Variants in MYO16 observed in about 807,000 individuals in gnomAD.
The protein encoded by MYO16 is unconventional myosin-XVI.
MYO16 carries 94 observed loss-of-function variants against 205.3 expected under a neutral mutation model. The observed-to-expected ratio is 0.46, with a 90% CI of 0.39 to 0.54. The LOEUF (loss-of-function observed/expected upper bound fraction) is 0.54, where lower values mean the gene tolerates loss of function less well. Ranked by LOEUF, MYO16 falls within the 20% of genes least tolerant of loss-of-function variation. MYO16 has a pLI of 0.00. For synonymous variants in MYO16, 988 were observed against 954.0 expected (o/e 1.04, Z -0.66); for missense variants, 2,315 against 2,387.5 (o/e 0.97, Z 0.63).
chr13:108,576,300 C>G, the MYO16 span, among the ~76,000 whole-genome samples: 1 of 152,192 alleles, frequency 6.6e-6, no homozygotes, highest in African/African-American at 2.4e-5. Flanking sequence ...CTTTTAAACA[C>G]AGGCTCTGTA....
intron 12 of MYO16, among the ~76,000 whole-genome samples, chr13:108,874,614 A>G (rs1234127966): frequency 1.3e-5 from 2 of 151,816 alleles, no homozygotes; most frequent in Admixed American, 1.3e-4. Context: ...AGTCCAGGTC[A>G]TGCAGCTCCA....
the MYO16 span, among the ~76,000 whole-genome samples, chr13:108,583,976 C>T: frequency 2.6e-5 from 4 of 152,026 alleles, no homozygotes; most frequent in Admixed American, 6.6e-5. Context: ...GTTTTTGATA[C>T]GGAGTCTCGC....
the MYO16 span, among the ~76,000 whole-genome samples, chr13:108,516,400 A>G: frequency 2.0e-3 from 300 of 152,148 alleles, no homozygotes; most frequent in African/African-American, 5.9e-3. Context: ...AGATGAACCC[A>G]GTACCTCAGA....
intron 2 of MYO16, among the ~76,000 whole-genome samples, chr13:108,675,684 T>A (rs1297912829): frequency 2.6e-5 from 4 of 152,128 alleles, no homozygotes; most frequent in African/African-American, 9.7e-5. Flanking sequence ...CTTCAACATT[T>A]TATGAGTTTG....
Position 108,709,785 on chromosome 13 carries a change from T to A in MYO16, c.293-2876T>A, listed in dbSNP as rs1485780241. Among the ~76,000 whole-genome samples the A allele has an allele frequency of 1.5e-5, 2 of 134,852 alleles. 1 individual carries two copies. The highest frequency in any genetic ancestry group is 3.2e-5 in the Non-Finnish European group (2 of 61,640). 88.5% of individuals were successfully genotyped at this position (134,852 alleles called of 152,430 possible). A position where few individuals can be genotyped will look rare whatever the true frequency, so the allele number is the denominator to read the frequency against. ...CTATCTTTATATGCGAAGAATAACC[T>A]ATTTCTCTATTTGGCCAGTAGTCGA... is the stretch of plus-strand genomic sequence containing the variant. On this transcript the variant is annotated intron_variant, in intron 2 of 34. Transcript: ENST00000457511.
At chr13:108,518,398 G>C in the MYO16 span, among the ~76,000 whole-genome samples, 1 of 152,120 alleles carries the variant, frequency 6.6e-6, no homozygotes, top group Non-Finnish European at 1.5e-5. Context: ...ACAGAAACAG[G>C]AATAGCATCT....
rs186574366 is a variant in MYO16 at position 108,761,990 on chromosome 13, C to T, written c.508-23645C>T. On this transcript the variant is annotated intron_variant, in intron 4 of 34. Coordinates refer to ENST00000457511, the MANE Select transcript of MYO16 (RefSeq NM_001198950.3). ...AAGTTGTTATTCGTTAAGTACTTTC[C>T]TATCACCTAGTCCATACCTTTACAA... Among the ~76,000 whole-genome samples the T allele has an allele frequency of 3.2e-4, 49 of 152,274 alleles. No individual in the cohort carries two copies. The East Asian group carries it at 9.3e-3, about 29-fold the overall frequency.
chr13:108,809,665 T>C (rs1358005447), intron 7 of MYO16, among the ~76,000 whole-genome samples: 2 of 152,194 alleles, frequency 1.3e-5, no homozygotes, highest in Non-Finnish European at 2.9e-5. Flanking sequence ...ATCTGCCCCA[T>C]GACCCAATCA....
chr13:108,520,607 T>A, the MYO16 span, among the ~76,000 whole-genome samples: 1 of 151,004 alleles, frequency 6.6e-6, no homozygotes, highest in Non-Finnish European at 1.5e-5. Flanking sequence ...TTAGTAAAAA[T>A]CTATTGACAA....
intron 9 of MYO16, among the ~76,000 whole-genome samples, chr13:108,831,497 G>A (rs1876619987): frequency 6.6e-6 from 1 of 152,008 alleles, no homozygotes; most frequent in East Asian, 1.9e-4. Context: ...AAGTAATCTT[G>A]CAACCAAAAA....
intron 4 of MYO16, among the ~76,000 whole-genome samples, chr13:108,742,879 C>T (rs1299083383): frequency 6.6e-6 from 1 of 152,186 alleles, no homozygotes; most frequent in East Asian, 1.9e-4. Flanking sequence ...TATTTTGGAT[C>T]ATGTGGTTTT....
At chr13:108,705,956 C>T (rs1883492305) in intron 2 of MYO16, among the ~76,000 whole-genome samples, 1 of 152,000 alleles carries the variant, frequency 6.6e-6, no homozygotes, top group South Asian at 2.1e-4. Context: ...AAAATATGAA[C>T]AGGAAGGAAT....
chr13:108,920,585 A>G (rs1881701866), intron 16 of MYO16, among the ~76,000 whole-genome samples: 1 of 152,062 alleles, frequency 6.6e-6, no homozygotes, highest in South Asian at 2.1e-4. Context: ...CAGCCTCCCG[A>G]GTAGCTGGGA....
At chr13:109,165,453 G>A (rs1235633905) in intron 33 of MYO16, among the ~76,000 whole-genome samples, 1 of 152,174 alleles carries the variant, frequency 6.6e-6, no homozygotes, top group Non-Finnish European at 1.5e-5. Flanking sequence ...GGTATTTTAA[G>A]TACATCAATG....
the MYO16 span, among the ~76,000 whole-genome samples, chr13:108,516,124 C>A: frequency 1.3e-5 from 2 of 151,566 alleles, no homozygotes; most frequent in South Asian, 4.2e-4. Context: ...TAGCAATCAG[C>A]GCGATTCCGT....
intron 23 of MYO16, among the ~76,000 whole-genome samples, chr13:109,033,350 T>A (rs1886604993): frequency 6.6e-6 from 1 of 152,190 alleles, no homozygotes; most frequent in Non-Finnish European, 1.5e-5. Flanking sequence ...CAGTGGACGA[T>A]TCTCATCCCT....
chr13:109,112,400 C>G (rs1380126807), intron 28 of MYO16, among the ~76,000 whole-genome samples: 1 of 152,016 alleles, frequency 6.6e-6, no homozygotes, highest in Non-Finnish European at 1.5e-5. Flanking sequence ...TTCTTTAATC[C>G]TATTAGATGT....
intron 27 of MYO16, among the ~76,000 whole-genome samples, chr13:109,067,929 C>A (rs954347968): frequency 6.6e-6 from 1 of 152,146 alleles, no homozygotes; most frequent in Non-Finnish European, 1.5e-5. Flanking sequence ...AATAAAAAGT[C>A]TTTAATAACT....
At chr13:108,529,123 C>A in the MYO16 span, among the ~76,000 whole-genome samples, 11,411 of 152,212 alleles carry the variant, frequency 0.075, 505 homozygotes, top group Admixed American at 0.12. Context: ...TTCCAAACAC[C>A]AGTACTAACC....
Sources: gnomAD v4.1 joint callset for allele counts (sites outside exome capture counted in the v4.1 genomes callset) on GRCh38, gnomAD v4.1.1 for gene constraint, MANE v1.5 for transcripts, NCBI Gene and HGNC (gene_info 2026-07-23, HGNC 2026-07-21) for gene names.